ROCK1: variants seen among roughly 807,000 people sequenced by gnomAD.
The protein encoded by ROCK1 is rho-associated protein kinase 1.
A neutral mutation model predicts 196.8 loss-of-function variants in ROCK1; 36 were observed. That is an observed-to-expected ratio of 0.18 (90% confidence interval 0.14 to 0.24). The LOEUF (loss-of-function observed/expected upper bound fraction) is 0.24. Among genes scored for constraint, ROCK1 ranks in the 10% least tolerant of loss-of-function variants. The pLI is 1.00. For synonymous variants in ROCK1, 443 were observed against 515.9 expected, an observed-to-expected ratio of 0.86 and a Z score of 1.91; for missense variants, 920 against 1,562.0, an observed-to-expected ratio of 0.59 and a Z score of 6.93.
chr18:21,013,938 C>T (rs1276853182), intron 13 of ROCK1, among the ~76,000 whole-genome samples: 7 of 151,966 alleles, frequency 4.6e-5, no homozygotes, highest in African/African-American at 1.4e-4. Context: ...TGGTGGCGGG[C>T]GCCTGTGGTC....
chr18:20,997,122 A>G (rs928155111), intron 16 of ROCK1, among the ~76,000 whole-genome samples: 24 of 152,222 alleles, frequency 1.6e-4, no homozygotes, highest in Non-Finnish European at 3.4e-4. Context: ...GTGAATGCAG[A>G]TGAACTAAAC....
chr18:21,074,783 G>A (rs1226335372), intron 1 of ROCK1, among the ~76,000 whole-genome samples: 2 of 152,152 alleles, frequency 1.3e-5, no homozygotes, highest in Non-Finnish European at 2.9e-5. Context: ...TAGTTAGTAG[G>A]TAGAAAAAGT....
At chr18:21,089,965 T>C (rs1169530831) in intron 1 of ROCK1, among the ~76,000 whole-genome samples, 1 of 152,228 alleles carries the variant, frequency 6.6e-6, no homozygotes, top group Non-Finnish European at 1.5e-5. Flanking sequence ...TATTTGCTAC[T>C]ACATCAAATT....
intron 22 of ROCK1, among the ~76,000 whole-genome samples, chr18:20,975,477 T>C (rs2035471578): frequency 6.6e-6 from 1 of 152,224 alleles, no homozygotes; most frequent in Admixed American, 6.5e-5. Flanking sequence ...CTTTAATACC[T>C]ATTCTCATCT....
chr18:20,979,837 T>C (rs2035514330), intron 22 of ROCK1, 73 bp downstream of exon 22: 3 of 1,445,138 alleles, frequency 2.1e-6, no homozygotes, highest in African/African-American at 2.9e-5. Flanking sequence ...TAATGGCACA[T>C]CTATTCACTA....
chr18:21,084,743 C>G (rs1260806903), intron 1 of ROCK1, among the ~76,000 whole-genome samples: 1 of 152,182 alleles, frequency 6.6e-6, no homozygotes, highest in Non-Finnish European at 1.5e-5. Context: ...ATCAGTAATT[C>G]CACTTCTGGG....
intron 2 of ROCK1, among the ~76,000 whole-genome samples, chr18:21,063,670 C>T (rs114013522): frequency 3.4e-4 from 51 of 152,204 alleles, no homozygotes; most frequent in African/African-American, 1.2e-3. Flanking sequence ...CAAAAAGAAT[C>T]CTCTGGCAGC....
At chr18:21,040,451 A>G (rs1160317975) in intron 8 of ROCK1, among the ~76,000 whole-genome samples, 2 of 152,214 alleles carry the variant, frequency 1.3e-5, no homozygotes, top group Admixed American at 6.5e-5. Flanking sequence ...TGGTGAGCAA[A>G]AAGTTTTTAA....
At position 21,045,103 on chromosome 18, in the gene ROCK1, T is replaced by C. The variant is rs2036144473; in HGVS notation, c.590+189A>G. 1.2e-5 allele frequency: 5 copies of C among 403,164 alleles called. No individual in the cohort carries two copies. In the South Asian group the frequency reaches 2.3e-4, roughly 19 times the overall value. The allele number at this position is 403,164 out of a possible 1,614,324, so 25.0% of individuals were successfully genotyped here. On this transcript the variant is annotated intron_variant, in intron 5 of 32. Transcript: ENST00000399799. ...GTCAAACTCCTGAGCTCAAGAGATCTGCCTGCCTCGGCCTCCCAAAGCTCT... is the reference window on the plus strand; with the variant it reads ...GTCAAACTCCTGAGCTCAAGAGATCCGCCTGCCTCGGCCTCCCAAAGCTCT...
chr18:21,068,943 T>C (rs1190055252), intron 2 of ROCK1, among the ~76,000 whole-genome samples: 15 of 152,140 alleles, frequency 9.9e-5, no homozygotes, highest in Non-Finnish European at 1.5e-4. Flanking sequence ...TTTCAATCTG[T>C]ACGGCTTTTC....
chr18:21,106,549 G>A (rs894208764), intron 1 of ROCK1, among the ~76,000 whole-genome samples: 8 of 152,062 alleles, frequency 5.3e-5, no homozygotes, highest in African/African-American at 1.4e-4. Flanking sequence ...GTTTTCAAAG[G>A]TACTCAAAAT....
At chr18:21,076,764 T>C (rs1459616042) in intron 1 of ROCK1, among the ~76,000 whole-genome samples, 8 of 151,812 alleles carry the variant, frequency 5.3e-5, no homozygotes, top group Non-Finnish European at 1.2e-4. Flanking sequence ...ACTAGGAAGC[T>C]CCAAGCTCTC....
chr18:21,068,014 C>T (rs2036351962), intron 2 of ROCK1, among the ~76,000 whole-genome samples: 1 of 152,124 alleles, frequency 6.6e-6, no homozygotes, highest in South Asian at 2.1e-4. Flanking sequence ...TTTTTCCCAG[C>T]CTTTGGCTTA....
chr18:20,988,822 T>C (rs545194692), intron 18 of ROCK1, among the ~76,000 whole-genome samples: 13 of 152,216 alleles, frequency 8.5e-5, no homozygotes, highest in Admixed American at 8.5e-4. Flanking sequence ...TATTATTATT[T>C]TTTTTTGTCT....
At chr18:21,056,518 A>T (rs2036246439) in intron 2 of ROCK1, among the ~76,000 whole-genome samples, 1 of 152,046 alleles carries the variant, frequency 6.6e-6, no homozygotes, top group African/African-American at 2.4e-5. Flanking sequence ...CTCACCCTCT[A>T]CATTGCTACC....
At chr18:21,008,036 T>C in intron 14 of ROCK1, 23 bp downstream of exon 14, 1 of 1,564,420 alleles carries the variant, frequency 6.4e-7, no homozygotes, top group Non-Finnish European at 8.7e-7. Context: ...TTCTATCATT[T>C]TTCAAAAGTA....
intron 1 of ROCK1, among the ~76,000 whole-genome samples, chr18:21,078,253 C>T (rs982634796): frequency 4.0e-5 from 6 of 151,802 alleles, no homozygotes; most frequent in African/African-American, 1.2e-4. Context: ...CGTTTGAACC[C>T]GGGAGGCAGG....
chr18:21,100,399 A>G (rs972531011), intron 1 of ROCK1, among the ~76,000 whole-genome samples: 29 of 134,238 alleles, frequency 2.2e-4, no homozygotes, highest in Non-Finnish European at 3.6e-4. Flanking sequence ...TTACTGCAGC[A>G]AAAAAAAAAA....
intron 2 of ROCK1, among the ~76,000 whole-genome samples, chr18:21,067,610 C>T (rs1045592398): frequency 6.6e-6 from 1 of 152,152 alleles, no homozygotes; most frequent in Non-Finnish European, 1.5e-5. Flanking sequence ...TGGTCTGGAA[C>T]TCCTGGACAG....
Sources: gnomAD v4.1 joint callset for allele counts (sites outside exome capture counted in the v4.1 genomes callset) on GRCh38, gnomAD v4.1.1 for gene constraint, MANE v1.5 for transcripts, NCBI Gene and HGNC (gene_info 2026-07-23, HGNC 2026-07-21) for gene names.